TPST2: variants seen among roughly 807,000 people sequenced by gnomAD.
The protein encoded by TPST2 is tyrosylprotein sulfotransferase 2, also known as protein-tyrosine sulfotransferase 2.
In TPST2, 16 loss-of-function variants were observed where a neutral mutation model predicts 27.8. The ratio of observed to expected loss-of-function variants is 0.58; its 90% confidence interval spans 0.39 to 0.88. The LOEUF is 0.88. Among genes scored for constraint, TPST2 ranks in the 40% least tolerant of loss-of-function variants. The probability of loss-of-function intolerance (pLI) is 0.00; values close to 1 mark genes in which losing one functional copy is unlikely to be tolerated. For synonymous variants in TPST2, 229 were observed against 231.7 expected, an observed-to-expected ratio of 0.99 and a Z score of 0.10; for missense variants, 464 against 543.1, an observed-to-expected ratio of 0.85 and a Z score of 1.45.
intron 1 of TPST2, among the ~76,000 whole-genome samples, chr22:26,554,569 G>A (rs1407163974): frequency 6.6e-6 from 1 of 152,230 alleles, no homozygotes; most frequent in Non-Finnish European, 1.5e-5. Flanking sequence ...TTGGGGGTCA[G>A]TGGGGAGGTG....
intron 1 of TPST2, among the ~76,000 whole-genome samples, chr22:26,570,553 C>T (rs181316724): frequency 1.3e-5 from 2 of 152,262 alleles, no homozygotes; most frequent in East Asian, 1.9e-4. Flanking sequence ...GCTACTGTGG[C>T]CCTCTCTCCT....
intron 1 of TPST2, among the ~76,000 whole-genome samples, chr22:26,577,082 C>A (rs1228274023): frequency 7.6e-6 from 1 of 131,554 alleles, no homozygotes; most frequent in African/African-American, 2.9e-5. Flanking sequence ...GGCGACAGAA[C>A]GAGACTCTGT....
intron 3 of TPST2, among the ~76,000 whole-genome samples, chr22:26,539,162 C>T (rs948506562): frequency 3.9e-5 from 6 of 152,156 alleles, no homozygotes; most frequent in African/African-American, 9.7e-5. Context: ...TTGTTGCTAG[C>T]GGAGAGCAGC....
intron 3 of TPST2, 29 bp from the exon 4 acceptor site, chr22:26,536,515 T>G (rs779295083): frequency 4.1e-6 from 6 of 1,480,862 alleles, no homozygotes; most frequent in Non-Finnish European, 5.4e-6. Flanking sequence ...CTGGAGAGGG[T>G]AGGGCAGACC....
At chr22:26,563,848 A>T (rs571606816) in intron 1 of TPST2, among the ~76,000 whole-genome samples, 1 of 152,202 alleles carries the variant, frequency 6.6e-6, no homozygotes, top group Non-Finnish European at 1.5e-5. Flanking sequence ...TGCTAGTCCC[A>T]TGCCTTAGAA....
chr22:26,572,959 T>C (rs1256416211), intron 1 of TPST2, among the ~76,000 whole-genome samples: 1 of 152,186 alleles, frequency 6.6e-6, no homozygotes, highest in Non-Finnish European at 1.5e-5. Context: ...ATTCCCCACC[T>C]ATTAGTTTTG....
chr22:26,538,557 C>A (rs915857531), intron 3 of TPST2, among the ~76,000 whole-genome samples: 1 of 152,248 alleles, frequency 6.6e-6, no homozygotes, highest in Non-Finnish European at 1.5e-5. Context: ...CGCGGTGGCT[C>A]ATGCCTGTAA....
At chr22:26,542,618 C>T (rs1037086402) in intron 2 of TPST2, among the ~76,000 whole-genome samples, 2 of 152,202 alleles carry the variant, frequency 1.3e-5, no homozygotes, top group Non-Finnish European at 2.9e-5. Flanking sequence ...TTGATGGGTT[C>T]TACCTGCGTA....
At chr22:26,582,228 A>C (rs547931887) in intron 1 of TPST2, among the ~76,000 whole-genome samples, 2 of 152,284 alleles carry the variant, frequency 1.3e-5, no homozygotes, top group South Asian at 4.1e-4. Flanking sequence ...GGAGTTTGAG[A>C]CCAGGCTGGC....
intron 2 of TPST2, among the ~76,000 whole-genome samples, chr22:26,542,503 A>T (rs532689895): frequency 9.2e-5 from 14 of 152,310 alleles, no homozygotes; most frequent in South Asian, 4.1e-4. Flanking sequence ...TTCTATCATA[A>T]TCATTGGTTA....
At chr22:26,581,166 C>G (rs1258352348) in intron 1 of TPST2, among the ~76,000 whole-genome samples, 1 of 152,118 alleles carries the variant, frequency 6.6e-6, no homozygotes, top group Non-Finnish European at 1.5e-5. Flanking sequence ...CTTGGAAAAC[C>G]TTTCCTGACC....
chr22:26,560,573 T>C (rs922960721), intron 1 of TPST2: 3 of 892,956 alleles, frequency 3.4e-6, no homozygotes, highest in African/African-American at 3.3e-5. Flanking sequence ...TGTCATCACA[T>C]GCATTTTTTG....
intron 1 of TPST2, among the ~76,000 whole-genome samples, chr22:26,564,657 C>T (rs936503601): frequency 6.6e-6 from 1 of 152,178 alleles, no homozygotes; most frequent in South Asian, 2.1e-4. Flanking sequence ...GCAGCCACCA[C>T]CTGAAGCCTT....
chr22:26,586,434 G>A (rs766457165), intron 1 of TPST2, among the ~76,000 whole-genome samples: 8 of 151,954 alleles, frequency 5.3e-5, no homozygotes, highest in Non-Finnish European at 1.0e-4. Flanking sequence ...ATTTTTTGTA[G>A]AGATGGAGTT....
chr22:26,556,675 AG>A (rs1288742085), intron 1 of TPST2, among the ~76,000 whole-genome samples: 15 of 152,310 alleles, frequency 9.8e-5, no homozygotes, highest in African/African-American at 3.4e-4. Flanking sequence ...CCAAATTCCT[AG>A]GCCCCCGAAT....
At chr22:26,577,894 G>A (rs78040796) in intron 1 of TPST2, among the ~76,000 whole-genome samples, 3,008 of 151,532 alleles carry the variant, frequency 0.02, 96 homozygotes, top group African/African-American at 0.069. Context: ...CCTGACCTCA[G>A]GAGGAGGTCT....
intron 3 of TPST2, among the ~76,000 whole-genome samples, chr22:26,538,969 A>T (rs1488063369): frequency 6.6e-6 from 1 of 152,270 alleles, no homozygotes; most frequent in Non-Finnish European, 1.5e-5. Context: ...ATGGTGCAGT[A>T]GGCCACACAT....
chr22:26,555,107 C>A (rs1340037693), intron 1 of TPST2: 2 of 524,350 alleles, frequency 3.8e-6, no homozygotes, highest in African/African-American at 1.9e-5. Context: ...TTGGAAGAGG[C>A]AAGGTGGAGC....
intron 3 of TPST2, among the ~76,000 whole-genome samples, 178 bp downstream of exon 3, chr22:26,540,611 T>A (rs890416140): frequency 5.3e-5 from 8 of 152,102 alleles, no homozygotes; most frequent in Admixed American, 5.2e-4. Context: ...TTGCAGATTC[T>A]CTCAGAAAGG....
Sources: gnomAD v4.1 joint callset for allele counts (sites outside exome capture counted in the v4.1 genomes callset) on GRCh38, gnomAD v4.1.1 for gene constraint, MANE v1.5 for transcripts, NCBI Gene and HGNC (gene_info 2026-07-23, HGNC 2026-07-21) for gene names.